Variants in COL19A1 observed in about 807,000 individuals in gnomAD.
COL19A1 encodes the protein collagen type XIX alpha 1 chain, also known as collagen alpha-1(XIX) chain.
In COL19A1, 159 loss-of-function variants were observed where a neutral mutation model predicts 190.2. That is an observed-to-expected ratio of 0.84 (90% confidence interval 0.73 to 0.95). COL19A1 has a LOEUF of 0.95. Ranked by LOEUF, COL19A1 falls within the 40% of genes least tolerant of loss-of-function variation. The probability of loss-of-function intolerance (pLI) is 0.00; values close to 1 mark genes in which losing one functional copy is unlikely to be tolerated. For synonymous variants in COL19A1, 509 were observed against 458.9 expected, an observed-to-expected ratio of 1.11 and a Z score of -1.39; for missense variants, 1,418 against 1,431.9, an observed-to-expected ratio of 0.99 and a Z score of 0.16.
At chr6:70,086,647 T>G (rs1226994796) in intron 15 of COL19A1, among the ~76,000 whole-genome samples, 1 of 152,210 alleles carries the variant, frequency 6.6e-6, no homozygotes, top group Non-Finnish European at 1.5e-5. Context: ...TTATCTCATG[T>G]TATCTACAGC....
At chr6:70,038,769 A>T (rs1779483731) in intron 14 of COL19A1, among the ~76,000 whole-genome samples, 1 of 152,164 alleles carries the variant, frequency 6.6e-6, no homozygotes, top group Admixed American at 6.5e-5. Context: ...GCCCCAAGGG[A>T]GTCAGATACT....
intron 16 of COL19A1, among the ~76,000 whole-genome samples, chr6:70,115,236 A>G (rs1296918065): frequency 6.6e-6 from 1 of 152,170 alleles, no homozygotes; most frequent in Non-Finnish European, 1.5e-5. Context: ...TATGTAATGA[A>G]CAATTCACAT....
At chr6:69,934,650 G>C (rs1772986473) in intron 7 of COL19A1, among the ~76,000 whole-genome samples, 1 of 151,872 alleles carries the variant, frequency 6.6e-6, no homozygotes, top group Admixed American at 6.6e-5. Context: ...ATTTTGAAAA[G>C]ATTATTTGGG....
chr6:70,146,406 T>C (rs1786648386), intron 25 of COL19A1, among the ~76,000 whole-genome samples: 2 of 152,134 alleles, frequency 1.3e-5, no homozygotes, highest in South Asian at 4.1e-4. Context: ...CTTTGAACTT[T>C]TTATGTATTA....
intron 12 of COL19A1, among the ~76,000 whole-genome samples, chr6:70,026,553 C>T (rs1168145557): frequency 6.6e-6 from 1 of 152,020 alleles, no homozygotes; most frequent in African/African-American, 2.4e-5. Context: ...TTATTTTTTC[C>T]CCTTAATTTT....
At chr6:70,187,280 C>T (rs1766587669) in intron 46 of COL19A1, among the ~76,000 whole-genome samples, 6 of 152,166 alleles carry the variant, frequency 3.9e-5, no homozygotes, top group Admixed American at 1.3e-4. Flanking sequence ...GTTCTCCCTT[C>T]TCACCATCCC....
intron 49 of COL19A1, among the ~76,000 whole-genome samples, chr6:70,201,041 T>C (rs1767517589): frequency 6.6e-6 from 1 of 152,190 alleles, no homozygotes; most frequent in South Asian, 2.1e-4. Context: ...TTATTATCTT[T>C]CGCTGGTTGG....
intron 9 of COL19A1, among the ~76,000 whole-genome samples, chr6:69,955,321 TC>T (rs1275483455): frequency 3.3e-5 from 5 of 152,148 alleles, no homozygotes; most frequent in Non-Finnish European, 5.9e-5. Context: ...ACTTGGGTTT[TC>T]TTTTTGTTTT....
intron 14 of COL19A1, among the ~76,000 whole-genome samples, chr6:70,056,909 C>A (rs1373014051): frequency 6.6e-6 from 1 of 151,760 alleles, no homozygotes; most frequent in Non-Finnish European, 1.5e-5. Context: ...ATACCTAGGT[C>A]TTTCATGTAG....
At chr6:70,019,664 T>C (rs1362718844) in intron 11 of COL19A1, among the ~76,000 whole-genome samples, 2 of 152,130 alleles carry the variant, frequency 1.3e-5, no homozygotes, top group Non-Finnish European at 2.9e-5. Context: ...CGTTGAAGTT[T>C]TTATTAGACT....
chr6:70,065,752 A>T (rs980446543), intron 14 of COL19A1, among the ~76,000 whole-genome samples: 3 of 152,228 alleles, frequency 2.0e-5, no homozygotes, highest in African/African-American at 4.8e-5. Flanking sequence ...GAACTCAAAC[A>T]AATTTACAAG....
In COL19A1 at chr6:70,062,905, G is replaced by A. The variant is rs545129546; in HGVS notation, c.1171-5518G>A. ...AAGAAGGCCATTACATAATGGTAAA[G>A]GGATCAATTCAACAAGAAGAGCTAA... On this transcript the variant is annotated intron_variant, in intron 14 of 50. Coordinates refer to ENST00000620364, the MANE Select transcript of COL19A1 (RefSeq NM_001858.6). Among the ~76,000 whole-genome samples, 564 of 152,096 alleles carry A rather than the reference G, an allele frequency of 3.7e-3. 10 individuals are homozygous for A. The highest frequency in any genetic ancestry group is 0.013 in the African/African-American group (533 of 41,474).
At chr6:69,905,380 TC>T (rs1171007235) in intron 4 of COL19A1, among the ~76,000 whole-genome samples, 1 of 152,156 alleles carries the variant, frequency 6.6e-6, no homozygotes, top group Non-Finnish European at 1.5e-5. Flanking sequence ...ATCCGGTGGC[TC>T]CCACACACAG....
At chr6:69,926,100 C>G (rs1369460362) in intron 4 of COL19A1, among the ~76,000 whole-genome samples, 1 of 152,116 alleles carries the variant, frequency 6.6e-6, no homozygotes, top group Admixed American at 6.6e-5. Flanking sequence ...CATGATTGCC[C>G]TGGCCAGAAC....
At chr6:70,018,667 C>T (rs541083353) in intron 11 of COL19A1, among the ~76,000 whole-genome samples, 97 of 152,122 alleles carry the variant, frequency 6.4e-4, no homozygotes, top group African/African-American at 1.7e-3. Flanking sequence ...GCTCAGGATA[C>T]AGGAGTGACG....
intron 6 of COL19A1, among the ~76,000 whole-genome samples, chr6:69,931,474 A>G (rs1488560712): frequency 2.6e-5 from 4 of 152,164 alleles, no homozygotes; most frequent in African/African-American, 4.8e-5. Flanking sequence ...AGGACCTGGT[A>G]CAATGGATGG....
intron 9 of COL19A1, among the ~76,000 whole-genome samples, chr6:69,948,997 TATC>T (rs1212777341): frequency 6.6e-6 from 1 of 151,770 alleles, no homozygotes; most frequent in African/African-American, 2.4e-5. Context: ...AAGAAGCTAA[TATC>T]ATAAAGAAGC....
At chr6:70,199,893 C>A in intron 49 of COL19A1, 157 bp downstream of exon 49, 1 of 686,660 alleles carries the variant, frequency 1.5e-6, no homozygotes, top group Non-Finnish European at 2.4e-6. Flanking sequence ...CATATGTAAT[C>A]TCTTTATAAT....
intron 11 of COL19A1, among the ~76,000 whole-genome samples, chr6:70,018,989 G>A (rs182913668): frequency 2.5e-3 from 386 of 152,186 alleles, no homozygotes; most frequent in Non-Finnish European, 4.4e-3. Flanking sequence ...AAAAGTAATG[G>A]GGAGGATTGG....
Sources: allele counts gnomAD v4.1 joint callset (sites outside exome capture counted in the v4.1 genomes callset), GRCh38; gene constraint gnomAD v4.1.1; transcripts MANE v1.5; gene names NCBI Gene and HGNC (gene_info 2026-07-23, HGNC 2026-07-21).